Variants in TMEM198 observed in about 807,000 individuals in gnomAD.
TMEM198 encodes transmembrane protein 198.
In TMEM198, 21 loss-of-function variants were observed where a neutral mutation model predicts 31.5. The observed-to-expected ratio is 0.67, with a 90% CI of 0.47 to 0.96. The LOEUF is 0.96. TMEM198 is among the 40% of genes least tolerant of loss of function. TMEM198 has a pLI of 0.00. For missense variants in TMEM198, 447 were observed against 499.4 expected, an observed-to-expected ratio of 0.89 and a Z score of 1.00; for synonymous variants, 211 against 223.3, an observed-to-expected ratio of 0.95 and a Z score of 0.49.
At chr2:219,547,103 C>T in intron 2 of TMEM198, 1 of 166,838 alleles carries the variant, frequency 6.0e-6, no homozygotes. Flanking sequence ...TCTCTGTGAG[C>T]AATCCCTTCT....
intron 4 of TMEM198, 144 bp downstream of exon 4, chr2:219,549,498 G>A: frequency 1.6e-6 from 2 of 1,266,952 alleles, no homozygotes; most frequent in Non-Finnish European, 2.1e-6. Flanking sequence ...CGGAGCCCAT[G>A]CACCAGGGGC....
chr2:219,544,790 C>T lies in TMEM198; in HGVS notation c.63C>T (p.Phe21=), dbSNP rs766566753. ...QLLPPEPDDA[F]WGAPCEQPLE... Reference sequence around the variant, plus strand: ...TGCCCCCTGAGCCAGATGATGCCTTCTGGGGTGCACCTTGTGAACAGCCCC... The same window carrying T: ...TGCCCCCTGAGCCAGATGATGCCTTTTGGGGTGCACCTTGTGAACAGCCCC... The change falls in exon 2 of 5, where the codon TTC becomes TTT. Residue 21 remains phenylalanine, a synonymous_variant. Coordinates refer to ENST00000373883, the MANE Select transcript of TMEM198 (RefSeq NM_001005209.3). The T allele has an allele frequency of 3.9e-5, 63 of 1,614,140 alleles. No homozygotes were observed. The highest frequency in any genetic ancestry group is 5.1e-5 in the Non-Finnish European group (60 of 1,180,056).
rs1695358218 is a variant in TMEM198 at position 219,544,813 on chromosome 2, C to T, written c.86C>T (p.Pro29Leu). The T allele has an allele frequency of 2.5e-6, 4 of 1,614,204 alleles. No individual in the cohort carries two copies. The East Asian group carries it at 6.7e-5, about 27-fold the overall frequency. Reference sequence around the variant, plus strand: ...TTCTGGGGTGCACCTTGTGAACAGCCCCTGGAGCGCAGGTACCAGGCACTG... The same window carrying T: ...TTCTGGGGTGCACCTTGTGAACAGCTCCTGGAGCGCAGGTACCAGGCACTG... The part of the protein sequence containing the change: ...DAFWGAPCEQ[P>L]LERRYQALPA... The change falls in exon 2 of 5, where the codon CCC becomes CTC. Residue 29 changes from proline (P) to leucine (L), a missense_variant. Transcript: ENST00000373883.
rs761902062 is a variant in TMEM198, at chr2:219,547,559, G to A, written c.220G>A (p.Val74Met). The A allele has an allele frequency of 6.8e-7, 1 of 1,465,236 alleles. No homozygotes were observed. The highest frequency in any genetic ancestry group is 2.4e-5 in the East Asian group (1 of 41,108). The allele number at this position is 1,465,236 out of a possible 1,614,324, so 90.8% of individuals were successfully genotyped here. ...TCTCACTGGGTTGCTGTTTGGCTCG[G>A]TGGTCATCTTCCTCCTCTGCTACCG... ...LFLTGLLFGS[V>M]VIFLLCYRER... Residue 74 changes from valine to methionine, a missense_variant, in exon 3 of 5, where the codon GTG becomes ATG. Physicochemically the swap from Val to Met is conservative, Grantham distance 21. Coordinates refer to ENST00000373883, the MANE Select transcript of TMEM198 (RefSeq NM_001005209.3).
chr2:219,549,400 A>C, intron 4 of TMEM198, 46 bp downstream of exon 4: 1 of 1,582,586 alleles, frequency 6.3e-7, no homozygotes, highest in Non-Finnish European at 8.6e-7. Flanking sequence ...GGAAGTGTGG[A>C]AACTCTTTCC....
rs1413284088 is a variant in TMEM198 at position 219,547,720 on chromosome 2, G to A, written c.381G>A (p.Leu127=). ...TCCTGGTGGGGCTGCTGCTCGGCCT[G>A]CTGCTCGCAGCTGCTGCCCTGCTGG... ...GLFLVGLLLG[L]LLAAAALLGS... is the part of the protein sequence containing the mutation. The change falls in exon 3 of 5, where the codon CTG becomes CTA. Residue 127 remains leucine (L), a synonymous_variant. Transcript: ENST00000373883. 1 of 1,582,874 alleles carries A rather than the reference G, an allele frequency of 6.3e-7. No individual in the cohort carries two copies. Among genetic ancestry groups the A allele is most frequent in the East Asian group, 2.2e-5 (1 of 44,462 alleles).
chr2:219,547,281 A>G (rs1695408367), intron 2 of TMEM198: 1 of 431,426 alleles, frequency 2.3e-6, no homozygotes, highest in Non-Finnish European at 4.1e-6. Context: ...CTCAATGGTT[A>G]TGTTTGCCTT....
upstream of TMEM198, chr2:219,543,880 G>A (rs560750421): frequency 3.9e-5 from 14 of 363,408 alleles, no homozygotes; most frequent in East Asian, 8.6e-4. Context: ...GGAGGTTAAA[G>A]GGGAAGGACC....
chr2:219,543,824 C>G, upstream of TMEM198: 1 of 433,244 alleles, frequency 2.3e-6, no homozygotes, highest in Non-Finnish European at 4.1e-6. Context: ...GCCCCGCCCC[C>G]GGGGTGGGGT....
chr2:219,548,412 T>G (rs7597875), intron 3 of TMEM198, among the ~76,000 whole-genome samples: 2 of 152,006 alleles, frequency 1.3e-5, no homozygotes, highest in South Asian at 4.1e-4. Flanking sequence ...TAGAGTGATA[T>G]GACAGAGACA....
intron 1 of TMEM198, 29 bp downstream of exon 1, chr2:219,544,406 C>A (rs571077190): frequency 1.9e-6 from 1 of 522,130 alleles, no homozygotes. Flanking sequence ...CATATTGAGC[C>A]GCCCACAGAT....
rs1293039496 is a variant in TMEM198, at chr2:219,547,441, T to C, written c.167-65T>C. On this transcript the variant is annotated intron_variant, in intron 2 of 4. Transcript: ENST00000373883. ...CTGGGATCCCATGTCCTTGACCCCT[T>C]GGACCTGCTCCCTCCAGCCTGGTGC... 3.0e-6 allele frequency: 4 copies of C among 1,316,766 alleles called. No homozygotes were observed. In the Admixed American group the frequency reaches 8.4e-5, roughly 28 times the overall value. 81.6% of individuals were successfully genotyped at this position (1,316,766 alleles called of 1,614,324 possible).
chr2:219,549,883 C>CACCAGCTCT lies in TMEM198; in HGVS notation c.*30_*38dup, dbSNP rs1695514930. 1 of 1,597,734 alleles carries CACCAGCTCT rather than the reference C, an allele frequency of 6.3e-7. No individual in the cohort carries two copies. The highest frequency in any genetic ancestry group is 8.6e-7 in the Non-Finnish European group (1 of 1,167,248). ...TATCTGTCTGTCTAGACTCTGCAGT[C>CACCAGCTCT]ACCAGCTCTGCCAGCTCGAGGAGGC... On this transcript the variant is annotated 3_prime_UTR_variant, in exon 5 of 5. Transcript: ENST00000373883.
Position 219,547,833 on chromosome 2 carries a change from T to C in TMEM198, c.494T>C (p.Leu165Pro). Reference protein sequence around the residue: ...GGGLLCALLTLRWPRPLTTLA... With the variant: ...GGGLLCALLTPRWPRPLTTLA... ...GGCCTGCTCTGTGCCCTGCTCACTC[T>C]GCGCTGGCCCCGCCCACTCACCACC... The change falls in exon 3 of 5, where the codon CTG (leucine) becomes CCG (proline). Residue 165 changes from leucine to proline, a missense_variant. Physicochemically the swap from Leu to Pro is moderately conservative, Grantham distance 98. Transcript: ENST00000373883. The C allele has an allele frequency of 2.5e-6, 4 of 1,589,098 alleles. No homozygotes were observed. Among genetic ancestry groups the C allele is most frequent in the Non-Finnish European group, 3.4e-6 (4 of 1,173,262 alleles).
At chr2:219,543,718 T>C, upstream of TMEM198, 1 of 437,464 alleles carries the variant, frequency 2.3e-6, no homozygotes, top group Non-Finnish European at 3.9e-6. Flanking sequence ...CGCGCCTCGA[T>C]TCCCCTCCAG....
chr2:219,545,201 G>T (rs1191916173), intron 2 of TMEM198, among the ~76,000 whole-genome samples: 5 of 152,220 alleles, frequency 3.3e-5, no homozygotes, highest in Admixed American at 2.0e-4. Context: ...ATGTAGTGTT[G>T]TAAGAATTAG....
At chr2:219,548,945 A>G in intron 3 of TMEM198, 1 of 593,782 alleles carries the variant, frequency 1.7e-6, no homozygotes, top group Admixed American at 3.1e-5. Context: ...GCAACCTTCC[A>G]TAAAGACCTA....
rs1265325092 is a variant in TMEM198, at chr2:219,547,957, G to A, written c.618G>A (p.Arg206=). ...GGCGCTACGTGGTGGAGCGACTCCG[G>A]GCTGCTCCTGTGCCCCCACTCTGCT... The part of the protein sequence containing the change: ...LLGRYVVERL[R]AAPVPPLCWR... Residue 206 remains arginine (R), a synonymous_variant, in exon 3 of 5, where the codon CGG becomes CGA. Coordinates refer to ENST00000373883, the MANE Select transcript of TMEM198 (RefSeq NM_001005209.3). The A allele has an allele frequency of 6.3e-7, 1 of 1,589,998 alleles. No individual in the cohort carries two copies. Among genetic ancestry groups the A allele is most frequent in the South Asian group, 1.1e-5 (1 of 88,932 alleles).
At chr2:219,545,510 A>G (rs1036049249) in intron 2 of TMEM198, among the ~76,000 whole-genome samples, 8 of 152,256 alleles carry the variant, frequency 5.3e-5, no homozygotes, top group Non-Finnish European at 8.8e-5. Context: ...AGTGGGGGCT[A>G]AAGTCCAGCT....
Sources: gnomAD v4.1 joint callset for allele counts (sites outside exome capture counted in the v4.1 genomes callset) on GRCh38, gnomAD v4.1.1 for gene constraint, MANE v1.5 for transcripts, NCBI Gene and HGNC (gene_info 2026-07-23, HGNC 2026-07-21) for gene names.